The following SLC45A2 variants were observed in gnomAD, a reference collection of about 807,000 sequenced individuals.
SLC45A2 encodes the protein membrane-associated transporter protein.
SLC45A2 carries 36 observed loss-of-function variants against 45.5 expected under a neutral mutation model. The observed-to-expected ratio is 0.79, with a 90% confidence interval of 0.61 to 1.04. SLC45A2 has a LOEUF of 1.04. SLC45A2 is among the 50% of genes least tolerant of loss of function. The pLI, the probability that SLC45A2 is intolerant of heterozygous loss-of-function variation, is 0.00. For synonymous variants in SLC45A2, 306 were observed against 269.3 expected, an observed-to-expected ratio of 1.14 and a Z score of -1.33; for missense variants, 719 against 671.0, an observed-to-expected ratio of 1.07 and a Z score of -0.79.
chr5:33,964,616 A>C (rs891927629), intron 2 of SLC45A2, among the ~76,000 whole-genome samples: 3 of 152,186 alleles, frequency 2.0e-5, no homozygotes, highest in African/African-American at 7.2e-5. Flanking sequence ...TAATGAGAAC[A>C]AAAGTTTAAA....
chr5:33,953,189 T>C (rs1353782688), intron 4 of SLC45A2, among the ~76,000 whole-genome samples: 5 of 149,620 alleles, frequency 3.3e-5, no homozygotes, highest in Middle Eastern at 3.2e-3. Context: ...GCATGATTTA[T>C]AGTCATTTGG....
At chr5:33,969,065 C>CTCTCTCTCTCTCTCTGTGTGTGTGTGTG in intron 2 of SLC45A2, among the ~76,000 whole-genome samples, 31 of 102,464 alleles carry the variant, frequency 3.0e-4, no homozygotes, top group African/African-American at 1.0e-3. Flanking sequence ...CTCTCTCTCT[C>CTCTCTCTCTCTCTCTGTGTGTGTGTGTG]TGTGTGTGTG....
chr5:33,952,808 G>A (rs1175723749), intron 4 of SLC45A2, among the ~76,000 whole-genome samples: 2 of 134,438 alleles, frequency 1.5e-5, no homozygotes, highest in Non-Finnish European at 3.2e-5. Flanking sequence ...ATGTCATCTA[G>A]CATTAGGTAT....
At chr5:33,962,034 T>C (rs544989345) in intron 3 of SLC45A2, among the ~76,000 whole-genome samples, 6 of 152,236 alleles carry the variant, frequency 3.9e-5, no homozygotes, top group African/African-American at 1.4e-4. Flanking sequence ...ATAAGAAGAC[T>C]TTCCCTTCCT....
chr5:33,984,153 A>T (rs539988121), intron 1 of SLC45A2, 46 bp downstream of exon 1: 2 of 1,611,702 alleles, frequency 1.2e-6, no homozygotes, highest in Non-Finnish European at 1.7e-6. Flanking sequence ...AGAGGTACAC[A>T]CTAAGACACA....
chr5:33,971,261 G>T, intron 2 of SLC45A2: 1 of 530,526 alleles, frequency 1.9e-6, no homozygotes, highest in South Asian at 1.4e-5. Flanking sequence ...CTTATTCTGA[G>T]ATTGGAGGGC....
chr5:33,951,762 G>A (rs536361132), intron 4 of SLC45A2, 85 bp from the exon 5 acceptor site: 2 of 1,567,638 alleles, frequency 1.3e-6, no homozygotes, highest in Non-Finnish European at 8.8e-7. Context: ...CACCTCTGGG[G>A]AGCAAATGTC....
chr5:33,971,147 C>G (rs955145885), intron 2 of SLC45A2: 44 of 531,344 alleles, frequency 8.3e-5, no homozygotes, highest in African/African-American at 5.2e-4. Context: ...AAGCCAGGAA[C>G]AAGAGTTGCT....
chr5:33,957,365 C>T (rs1752304549), intron 3 of SLC45A2, among the ~76,000 whole-genome samples: 1 of 152,036 alleles, frequency 6.6e-6, no homozygotes, highest in African/African-American at 2.4e-5. Context: ...TACTTCTTAA[C>T]CTTATATAAT....
intron 6 of SLC45A2, chr5:33,945,721 A>G (rs1309186086): frequency 6.3e-6 from 1 of 158,242 alleles, no homozygotes; most frequent in African/African-American, 2.4e-5. Context: ...TATAAGGTAA[A>G]TAACATTCTT....
intron 3 of SLC45A2, among the ~76,000 whole-genome samples, chr5:33,960,764 A>T (rs945957258): frequency 3.9e-5 from 6 of 152,046 alleles, no homozygotes; most frequent in African/African-American, 1.2e-4. Flanking sequence ...ATGGAAATAC[A>T]TTTTTTTTAA....
At chr5:33,972,105 C>T in intron 2 of SLC45A2, 1 of 514,696 alleles carries the variant, frequency 1.9e-6, no homozygotes, top group South Asian at 1.4e-5. Context: ...GGTGAAAGGG[C>T]TCATTGGATC....
chr5:33,962,973 T>C (rs771824450), intron 3 of SLC45A2, among the ~76,000 whole-genome samples: 3 of 152,240 alleles, frequency 2.0e-5, no homozygotes, highest in African/African-American at 4.8e-5. Flanking sequence ...CGTTCTACAA[T>C]GATGGGAATG....
chr5:33,970,611 A>G (rs986757463), intron 2 of SLC45A2, among the ~76,000 whole-genome samples: 6 of 152,010 alleles, frequency 3.9e-5, no homozygotes, highest in African/African-American at 1.5e-4. Context: ...CCCCTAGTCT[A>G]CCACTAACCA....
rs556979191 is a variant in SLC45A2, at chr5:33,953,835, C to T, written c.1032+526G>A. Among the ~76,000 whole-genome samples, 220 of 103,552 alleles carry T rather than the reference C, an allele frequency of 2.1e-3. 1 individual carries two copies. The highest frequency in any genetic ancestry group is 7.0e-3 in the African/African-American group (186 of 26,442). The allele number at this position is 103,552 out of a possible 152,430, so 67.9% of individuals were successfully genotyped here. ...AACCCATCTCACGTGCAGAGACACA[C>T]ATAGGCTCAAAATAAAAGGATGGAG... On this transcript the variant is annotated intron_variant, in intron 4 of 6. Coordinates refer to ENST00000296589, the MANE Select transcript of SLC45A2 (RefSeq NM_016180.5).
chr5:33,951,466 AG>A (rs1320980435), intron 5 of SLC45A2, 87 bp downstream of exon 5: 20 of 1,608,132 alleles, frequency 1.2e-5, no homozygotes, highest in Non-Finnish European at 1.7e-5. Context: ...TATTTTAAAC[AG>A]TAGGAAATAC....
intron 2 of SLC45A2, among the ~76,000 whole-genome samples, chr5:33,980,093 A>C (rs1753032391): frequency 6.6e-6 from 1 of 152,194 alleles, no homozygotes; most frequent in Admixed American, 6.5e-5. Context: ...AATTAATTTC[A>C]ACAAATTATA....
At chr5:33,971,977 C>CCAGGTCCA (rs1303370622) in intron 2 of SLC45A2, 1 of 448,700 alleles carries the variant, frequency 2.2e-6, no homozygotes, top group African/African-American at 2.0e-5. Context: ...ACCATGGTGC[C>CCAGGTCCA]CAGGTCCACC....
chr5:33,979,201 T>G (rs1432161085), intron 2 of SLC45A2, among the ~76,000 whole-genome samples: 2 of 152,200 alleles, frequency 1.3e-5, no homozygotes, highest in African/African-American at 4.8e-5. Flanking sequence ...CATCAATCAA[T>G]ACATGTAAGA....
Sources: allele counts gnomAD v4.1 joint callset (sites outside exome capture counted in the v4.1 genomes callset), GRCh38; gene constraint gnomAD v4.1.1; transcripts MANE v1.5; gene names NCBI Gene and HGNC (gene_info 2026-07-23, HGNC 2026-07-21).